The following GRHL1 variants were observed in gnomAD, a reference collection of about 807,000 sequenced individuals.
The protein encoded by GRHL1 is grainyhead-like protein 1 homolog.
A neutral mutation model predicts 75.7 loss-of-function variants in GRHL1; 38 were observed. The observed-to-expected ratio is 0.50, with a 90% CI of 0.39 to 0.66. GRHL1 has a LOEUF of 0.66. GRHL1 is among the 30% of genes least tolerant of loss of function. The pLI is 0.00. For synonymous variants in GRHL1, 266 were observed against 279.4 expected (o/e 0.95, Z 0.48); for missense variants, 589 against 767.5 (o/e 0.77, Z 2.75).
At position 9,964,349 on chromosome 2, in the gene GRHL1, A is replaced by G. The variant is rs376305233; in HGVS notation, c.1015+3A>G. The G allele has an allele frequency of 1.3e-6, 2 of 1,491,938 alleles. No homozygotes were observed. The highest frequency in any genetic ancestry group is 1.7e-5 in the Admixed American group (1 of 57,442). 92.4% of individuals were successfully genotyped at this position (1,491,938 alleles called of 1,614,324 possible). ...TAAACAAAGATGCATTGACATAGGT[A>G]AGCAGCTCAAGAGCCCGCTTTTATT... is the stretch of plus-strand genomic sequence containing the variant. On this transcript the variant is annotated splice_donor_region_variant and intron_variant, in intron 7 of 15. Coordinates refer to ENST00000324907, the MANE Select transcript of GRHL1 (RefSeq NM_198182.3).
At position 9,990,359 on chromosome 2, in the gene GRHL1, C is replaced by T. The variant is rs1029658965; in HGVS notation, c.1270-337C>T. 6.6e-6 allele frequency among the ~76,000 whole-genome samples: 1 copy of T among 152,096 alleles called. No individual in the cohort carries two copies. Among genetic ancestry groups the T allele is most frequent in the African/African-American group, 2.4e-5 (1 of 41,430 alleles). ...AGAGGTGGGGTTTCACCATGTTGGC[C>T]AGGCTGGTCTCGAACTCCTGACCTC... On this transcript the variant is annotated intron_variant, in intron 9 of 15. Coordinates refer to ENST00000324907, the MANE Select transcript of GRHL1 (RefSeq NM_198182.3). This position sits in a 1 kb window ranked among gnomAD's most constrained non-coding sequence, Gnocchi z 4.2.
At chr2:9,961,579 C>A in intron 4 of GRHL1, 143 bp downstream of exon 4, 1 of 685,896 alleles carries the variant, frequency 1.5e-6, no homozygotes. Flanking sequence ...AGAGAAAAGG[C>A]CCATGGGTAT....
intron 8 of GRHL1, among the ~76,000 whole-genome samples, chr2:9,971,434 A>AG (rs1205659305): frequency 6.6e-6 from 1 of 152,240 alleles, no homozygotes; most frequent in African/African-American, 2.4e-5. Flanking sequence ...AAAAGATGTC[A>AG]GGAAGCACTG....
intron 8 of GRHL1, among the ~76,000 whole-genome samples, chr2:9,983,225 A>G (rs1488426816): frequency 6.6e-6 from 1 of 151,478 alleles, no homozygotes; most frequent in Non-Finnish European, 1.5e-5. Context: ...CTTGTCTCTC[A>G]TGTTCCTGGC....
intron 12 of GRHL1, among the ~76,000 whole-genome samples, chr2:9,994,677 C>T (rs1034865603): frequency 2.0e-5 from 3 of 152,116 alleles, no homozygotes; most frequent in Non-Finnish European, 4.4e-5. Context: ...GGCAGAGTCT[C>T]GGAGGCTCAG....
At chr2:9,995,239 T>A (rs1668806789) in intron 12 of GRHL1, 1 of 152,274 alleles carries the variant, frequency 6.6e-6, no homozygotes. Flanking sequence ...ATCTCCTTTG[T>A]CACTGCCTGT....
rs536029427 is a variant in GRHL1, at chr2:9,998,723, CAT to C, written c.1678-236_1678-235del. Among the ~76,000 whole-genome samples, 9 of 39,776 alleles carry C rather than the reference CAT, an allele frequency of 2.3e-4. 2 individuals are homozygous for C. The highest frequency in any genetic ancestry group is 3.6e-4 in the Admixed American group (1 of 2,790). The allele number at this position is 39,776 out of a possible 152,430, so 26.1% of individuals were successfully genotyped here. On this transcript the variant is annotated intron_variant, in intron 14 of 15. Transcript: ENST00000324907. ...ATATATATACATATATATGTACACA[CAT>C]ATATACGTATATATGTACACACATA...
At position 9,998,829 on chromosome 2, in the gene GRHL1, T is replaced by C. The variant is rs867580359; in HGVS notation, c.1678-136T>C. The C allele has an allele frequency of 1.9e-4, 20 of 104,580 alleles. 2 individuals carry two copies. The highest frequency in any genetic ancestry group is 2.9e-4 in the Non-Finnish European group (18 of 61,576). The allele number at this position is 104,580 out of a possible 1,614,324, so 6.5% of individuals were successfully genotyped here. On this transcript the variant is annotated intron_variant, in intron 14 of 15. Transcript: ENST00000324907. ...ATATACGTATATATATGTACACATA[T>C]ATATATACGTATATATATGTACACA...
At position 9,951,759 on chromosome 2, in the gene GRHL1, T is replaced by C. The variant is rs1422487246; in HGVS notation, c.-75T>C. 5 of 1,385,272 alleles carry C rather than the reference T, an allele frequency of 3.6e-6. No individual in the cohort carries two copies. In the African/African-American group the frequency reaches 4.6e-5, roughly 13 times the overall value. 85.8% of individuals were successfully genotyped at this position (1,385,272 alleles called of 1,614,324 possible). On this transcript the variant is annotated 5_prime_UTR_variant, in exon 1 of 16. Coordinates refer to ENST00000324907, the MANE Select transcript of GRHL1 (RefSeq NM_198182.3). This position sits in a 1 kb window ranked among gnomAD's most constrained non-coding sequence, Gnocchi z 4.2. ...CGGACCCGCAGCCGCCGCCGCCGCC[T>C]CCTCCCCCCGGATCGGGTGTACTGT...
At chr2:9,998,827 TATATATATACGTATATATATGTACAC>T (rs1558321504) in intron 14 of GRHL1, 112 bp from the exon 15 acceptor site, 1,178 of 71,472 alleles carry the variant, frequency 0.016, 189 homozygotes, top group East Asian at 0.15. Context: ...TATGTACACA[TATATATATACGTATATATATGTACAC>T]ATATATATAC....
Position 9,953,910 on chromosome 2 carries a change from A to G in GRHL1, c.21-1005A>G, listed in dbSNP as rs540303837. Among the ~76,000 whole-genome samples, 6 of 152,364 alleles carry G rather than the reference A, an allele frequency of 3.9e-5. No homozygotes were observed. The East Asian group carries it at 1.2e-3, about 29-fold the overall frequency. ...TTAAAATTTATTTTTCTCCTTGAAA[A>G]TAAACTGCTTTGTTTTGCTAGAGTC... On this transcript the variant is annotated intron_variant, in intron 1 of 15. Coordinates refer to ENST00000324907, the MANE Select transcript of GRHL1 (RefSeq NM_198182.3).
chr2:9,957,935 A>G (rs1402607291), intron 2 of GRHL1, among the ~76,000 whole-genome samples: 1 of 152,232 alleles, frequency 6.6e-6, no homozygotes, highest in Non-Finnish European at 1.5e-5. Context: ...CCTTTGGGTG[A>G]TGGACGTATG....
chr2:9,961,408 C>T lies in GRHL1; in HGVS notation c.641C>T (p.Ser214Leu). 1 of 1,611,614 alleles carries T rather than the reference C, an allele frequency of 6.2e-7. No homozygotes were observed. Among genetic ancestry groups the T allele is most frequent in the South Asian group, 1.1e-5 (1 of 91,044 alleles). Residue 214 changes from serine (S) to leucine (L), a missense_variant, in exon 4 of 16, where the codon TCA (serine) becomes TTA (leucine). By Grantham distance (145) the Ser-to-Leu change is moderately radical. Around this residue, in one of 5 missense-constraint regions of GRHL1, gnomAD observed 362 missense variants for 461.8 expected, o/e 0.78. Coordinates refer to ENST00000324907, the MANE Select transcript of GRHL1 (RefSeq NM_198182.3). ...AQRRTPDSTF[S>L]ETFKEGVQEV... ...AGGCGAACTCCAGACTCGACCTTCT[C>T]AGAGACCTTCAAGGAAGGCGTTCAG...
chr2:9,956,387 T>C (rs1667023822), intron 2 of GRHL1, among the ~76,000 whole-genome samples: 1 of 152,124 alleles, frequency 6.6e-6, no homozygotes, highest in South Asian at 2.1e-4. Flanking sequence ...AGCCGGTTAG[T>C]ACACATGCCT....
chr2:9,952,874 G>A (rs73913928), intron 1 of GRHL1: 22,466 of 354,454 alleles, frequency 0.063, 823 homozygotes, highest in African/African-American at 0.077. Context: ...ATTTTGTATG[G>A]AGTATCTTAA....
intron 8 of GRHL1, among the ~76,000 whole-genome samples, chr2:9,977,537 G>A (rs1667998521): frequency 6.6e-6 from 1 of 152,176 alleles, no homozygotes. Context: ...GGCCAGGCTG[G>A]TCTCAAATTC....
Position 9,955,101 on chromosome 2 carries a change from G to A in GRHL1, c.207G>A (p.Lys69=). ...TGGGCCTGCTCTATGACTACTACAA[G>A]GTGGGTTTGCCTGCCTTTAAAACCC... ...AALGLLYDYY[K]VPRERRSSTA... The change falls in exon 2 of 16, where the codon AAG becomes AAA. Residue 69 remains lysine, a splice_region_variant and synonymous_variant. Transcript: ENST00000324907. 2 of 1,607,558 alleles carry A rather than the reference G, an allele frequency of 1.2e-6. No homozygotes were observed. The highest frequency in any genetic ancestry group is 1.7e-6 in the Non-Finnish European group (2 of 1,176,022).
In GRHL1 at chr2:9,979,435, C is replaced by T. The variant is rs555111127; in HGVS notation, c.1111-6689C>T. Among the ~76,000 whole-genome samples, 7 of 152,164 alleles carry T rather than the reference C, an allele frequency of 4.6e-5. No homozygotes were observed. The South Asian group carries it at 6.2e-4, about 14-fold the overall frequency. ...ATTTTCTGTTTTAGAGACAGGGTCT[C>T]GCTATGTTGCCCAGGGTGGTCTCAA... On this transcript the variant is annotated intron_variant, in intron 8 of 15. Transcript: ENST00000324907.
chr2:9,971,282 G>T (rs1010678357), intron 8 of GRHL1, among the ~76,000 whole-genome samples: 1 of 152,174 alleles, frequency 6.6e-6, no homozygotes, highest in Non-Finnish European at 1.5e-5. Flanking sequence ...GCAGGGACAG[G>T]TTTGGTTTGT....
Sources: allele counts gnomAD v4.1 joint callset (sites outside exome capture counted in the v4.1 genomes callset), GRCh38; gene constraint gnomAD v4.1.1; regional missense constraint gnomAD v4.1.1; non-coding constraint Gnocchi (gnomAD v3.1); transcripts MANE v1.5; gene names NCBI Gene and HGNC (gene_info 2026-07-23, HGNC 2026-07-21).